Variants in MYRFL observed in about 807,000 individuals in gnomAD.
MYRFL encodes myelin regulatory factor-like protein.
In MYRFL, 88 loss-of-function variants were observed where a neutral mutation model predicts 109.4. That is an observed-to-expected ratio of 0.80 (90% CI 0.68 to 0.96). The LOEUF (loss-of-function observed/expected upper bound fraction) is 0.96. Among genes scored for constraint, MYRFL ranks in the 40% least tolerant of loss-of-function variants. The pLI is 0.00. For synonymous variants in MYRFL, 324 were observed against 320.9 expected (o/e 1.01, Z -0.10); for missense variants, 957 against 954.9 (o/e 1.00, Z -0.03).
chr12:69,843,596 A>T (rs1883365099), intron 1 of MYRFL, among the ~76,000 whole-genome samples: 1 of 152,220 alleles, frequency 6.6e-6, no homozygotes, highest in Non-Finnish European at 1.5e-5. Context: ...CCCTTGGAGA[A>T]GCCCCATAGG....
intron 1 of MYRFL, among the ~76,000 whole-genome samples, chr12:69,846,777 A>T (rs1373289145): frequency 6.6e-6 from 1 of 151,766 alleles, no homozygotes; most frequent in Non-Finnish European, 1.5e-5. Flanking sequence ...CGCCACACTG[A>T]CTTCCACAAG....
At chr12:69,860,500 A>AT (rs1176774717) in intron 2 of MYRFL, among the ~76,000 whole-genome samples, 1 of 151,804 alleles carries the variant, frequency 6.6e-6, no homozygotes, top group Non-Finnish European at 1.5e-5. Flanking sequence ...ATCATTGGGT[A>AT]TTTTTCCCTA....
rs534366096 is a variant in MYRFL, at chr12:69,956,125, G to GC, written c.2450+688_2450+689insC. Among the ~76,000 whole-genome samples the GC allele has an allele frequency of 5.3e-5, 8 of 150,106 alleles. No individual in the cohort carries two copies. In the East Asian group the frequency reaches 1.6e-3, roughly 29 times the overall value. On this transcript the variant is annotated intron_variant, in intron 22 of 24. Coordinates refer to ENST00000552032, the MANE Select transcript of MYRFL (RefSeq NM_182530.3). ...TCCTCACAGCAACCCTCCCAGGTTG[G>GC]TTTTTTTTTCTTAGTTTATATTTTT...
chr12:69,840,733 A>T (rs534047165), intron 1 of MYRFL, among the ~76,000 whole-genome samples: 2 of 152,258 alleles, frequency 1.3e-5, no homozygotes, highest in African/African-American at 4.8e-5. Flanking sequence ...GCCCATTTGC[A>T]TGGCTAGTTC....
chr12:69,859,288 G>A (rs544392927), intron 2 of MYRFL, among the ~76,000 whole-genome samples: 24 of 152,190 alleles, frequency 1.6e-4, no homozygotes, highest in African/African-American at 5.5e-4. Context: ...TGAATGTTAC[G>A]TATGCACTTG....
chr12:69,895,106 C>T (rs562880660), intron 8 of MYRFL, among the ~76,000 whole-genome samples: 1 of 152,288 alleles, frequency 6.6e-6, no homozygotes, highest in Admixed American at 6.5e-5. Context: ...AGCATATGGC[C>T]CTTGTGAGTT....
chr12:69,945,943 C>T (rs1397940399), intron 19 of MYRFL, among the ~76,000 whole-genome samples: 4 of 136,580 alleles, frequency 2.9e-5, no homozygotes, highest in East Asian at 2.1e-4. Flanking sequence ...GCCGAGATCC[C>T]GCCACTGCCC....
intron 6 of MYRFL, among the ~76,000 whole-genome samples, chr12:69,887,846 T>C (rs1013310716): frequency 1.3e-5 from 2 of 152,160 alleles, no homozygotes; most frequent in Non-Finnish European, 2.9e-5. Context: ...CATTGTATCA[T>C]TGAAATGTCA....
At chr12:69,903,247 T>C (rs1954246563) in intron 10 of MYRFL, among the ~76,000 whole-genome samples, 1 of 152,230 alleles carries the variant, frequency 6.6e-6, no homozygotes. Flanking sequence ...TATCTGACTT[T>C]AGTACACCTG....
chr12:69,956,907 T>C (rs956680667), intron 22 of MYRFL, among the ~76,000 whole-genome samples: 3 of 152,212 alleles, frequency 2.0e-5, no homozygotes, highest in Non-Finnish European at 2.9e-5. Context: ...CATTTTCTTA[T>C]TCATCTCTAG....
chr12:69,891,104 G>A lies in MYRFL; in HGVS notation c.841G>A (p.Val281Ile). The change falls in exon 7 of 25, where the codon GTT (valine) becomes ATT (isoleucine). Residue 281 changes from valine (V) to isoleucine (I), a missense_variant. Physicochemically the swap from Val to Ile is conservative, Grantham distance 29 (BLOSUM62 3). Transcript: ENST00000552032. ...CCAAGTTTGGGGAAGTCCAAAATTT[G>A]TTGAAACCGAGATGGGCCTAAAGCC... ...HIQVWGSPKF[V>I]ETEMGLKPIE... 6 of 1,534,886 alleles carry A rather than the reference G, an allele frequency of 3.9e-6. No homozygotes were observed. Among genetic ancestry groups the A allele is most frequent in the Non-Finnish European group, 5.2e-6 (6 of 1,146,440 alleles).
chr12:69,902,300 T>C (rs150096807), intron 10 of MYRFL, among the ~76,000 whole-genome samples: 15 of 152,350 alleles, frequency 9.8e-5, no homozygotes, highest in African/African-American at 3.6e-4. Flanking sequence ...ATCAAAAAGT[T>C]CTTTAAACCC....
intron 2 of MYRFL, among the ~76,000 whole-genome samples, chr12:69,875,055 G>C (rs1885578745): frequency 6.6e-6 from 1 of 150,946 alleles, no homozygotes; most frequent in Admixed American, 6.6e-5. Flanking sequence ...TCAGAGTGAA[G>C]TATATATCTT....
intron 13 of MYRFL, among the ~76,000 whole-genome samples, chr12:69,912,055 C>T (rs1954588611): frequency 6.6e-6 from 1 of 152,150 alleles, no homozygotes; most frequent in Admixed American, 6.5e-5. Flanking sequence ...TTAGGCACCA[C>T]CACCATCTTC....
At chr12:69,907,695 T>G (rs751730285) in intron 11 of MYRFL, among the ~76,000 whole-genome samples, 1 of 152,198 alleles carries the variant, frequency 6.6e-6, no homozygotes, top group Non-Finnish European at 1.5e-5. Context: ...CATCAAAAAT[T>G]TTAGGTGCCT....
intron 15 of MYRFL, among the ~76,000 whole-genome samples, chr12:69,928,565 A>C (rs1955170485): frequency 6.6e-6 from 1 of 152,242 alleles, no homozygotes; most frequent in Non-Finnish European, 1.5e-5. Context: ...ATTCAGAAAG[A>C]GTTCAAAATT....
rs146216009 is a variant in MYRFL, at chr12:69,837,058, G to A, written c.46+11495G>A. On this transcript the variant is annotated intron_variant, in intron 1 of 24. Transcript: ENST00000552032. Reference sequence around the variant, plus strand: ...TCACACATTTAAAAAAAAAAATTGAGCCTTAACAAATTGACAGATATGCCT... The same window carrying A: ...TCACACATTTAAAAAAAAAAATTGAACCTTAACAAATTGACAGATATGCCT... 5.4e-3 allele frequency among the ~76,000 whole-genome samples: 826 copies of A among 152,020 alleles called. 8 individuals carry two copies. The highest frequency in any genetic ancestry group is 0.019 in the African/African-American group (780 of 41,456).
intron 15 of MYRFL, among the ~76,000 whole-genome samples, chr12:69,929,484 AAGG>A (rs1431858184): frequency 2.0e-5 from 3 of 152,234 alleles, no homozygotes; most frequent in South Asian, 2.1e-4. Flanking sequence ...AATGAAATTG[AAGG>A]AGAAGTTACA....
chr12:69,891,682 T>TTTCTTTCTTTCTTTCTTTCGTTCGTTCG (rs1277296623), intron 7 of MYRFL, among the ~76,000 whole-genome samples: 1 of 101,474 alleles, frequency 9.9e-6, no homozygotes, highest in East Asian at 2.8e-4. Context: ...TCTTTCTTTC[T>TTTCTTTCTTTCTTTCTTTCGTTCGTTCG]TTCGTTCGTT....
Sources: allele counts gnomAD v4.1 joint callset (sites outside exome capture counted in the v4.1 genomes callset), GRCh38; gene constraint gnomAD v4.1.1; transcripts MANE v1.5; gene names NCBI Gene and HGNC (gene_info 2026-07-23, HGNC 2026-07-21).